Variants in NRXN1 observed in about 807,000 individuals in gnomAD.
NRXN1 encodes neurexin-1.
In NRXN1, 39 loss-of-function variants were observed where a neutral mutation model predicts 150.9. The ratio of observed to expected loss-of-function variants is 0.26; its 90% CI spans 0.20 to 0.34. The LOEUF (loss-of-function observed/expected upper bound fraction) is 0.34. NRXN1 is among the 10% of genes least tolerant of loss of function. NRXN1 has a pLI of 1.00. For synonymous variants in NRXN1, 924 were observed against 757.0 expected, an observed-to-expected ratio of 1.22 and a Z score of -3.62; for missense variants, 1,815 against 1,949.9, an observed-to-expected ratio of 0.93 and a Z score of 1.30.
chr2:50,475,382 C>A (rs17040693), intron 15 of NRXN1, among the ~76,000 whole-genome samples: 1 of 148,578 alleles, frequency 6.7e-6, no homozygotes, highest in South Asian at 2.1e-4. Flanking sequence ...ATTGAGGCCA[C>A]GGTAGAAAAG....
At chr2:50,443,382 C>G (rs2086134611) in intron 17 of NRXN1, among the ~76,000 whole-genome samples, 1 of 152,104 alleles carries the variant, frequency 6.6e-6, no homozygotes, top group African/African-American at 2.4e-5. Context: ...ACGGCCTTGG[C>G]CTTCAGTCGT....
At chr2:50,216,888 C>T (rs570686068) in intron 18 of NRXN1, among the ~76,000 whole-genome samples, 14 of 152,180 alleles carry the variant, frequency 9.2e-5, no homozygotes. Flanking sequence ...CTAAATTATA[C>T]ACAGTGTGTT....
At chr2:50,250,038 A>T (rs1481091678) in intron 17 of NRXN1, among the ~76,000 whole-genome samples, 1 of 152,128 alleles carries the variant, frequency 6.6e-6, no homozygotes, top group Non-Finnish European at 1.5e-5. Context: ...TACTTTACTG[A>T]CTGACTTGCT....
intron 8 of NRXN1, among the ~76,000 whole-genome samples, chr2:50,599,935 T>C (rs1180354999): frequency 6.6e-6 from 1 of 152,122 alleles, no homozygotes; most frequent in Non-Finnish European, 1.5e-5. Context: ...GAATGGCATA[T>C]CAGAAAATGG....
intron 21 of NRXN1, among the ~76,000 whole-genome samples, chr2:49,948,957 G>C (rs201668153): frequency 6.6e-6 from 1 of 151,958 alleles, no homozygotes; most frequent in Non-Finnish European, 1.5e-5. Flanking sequence ...CCTTAATTCA[G>C]ACTGGTCTGT....
At chr2:50,119,110 C>CT (rs1703485977) in intron 18 of NRXN1, among the ~76,000 whole-genome samples, 1 of 151,968 alleles carries the variant, frequency 6.6e-6, no homozygotes, top group African/African-American at 2.4e-5. Context: ...GTTAAAATCT[C>CT]TCCACATCTT....
intron 18 of NRXN1, among the ~76,000 whole-genome samples, chr2:50,100,975 A>AG (rs1700901759): frequency 6.6e-6 from 1 of 152,110 alleles, no homozygotes; most frequent in South Asian, 2.1e-4. Context: ...TAGTTAGCCT[A>AG]GTGGTCTGGC....
chr2:50,858,792 T>C (rs994178608), intron 5 of NRXN1, among the ~76,000 whole-genome samples: 3 of 152,150 alleles, frequency 2.0e-5, no homozygotes, highest in Admixed American at 6.5e-5. Flanking sequence ...CATATTTCTA[T>C]ATAAAATTGC....
intron 18 of NRXN1, among the ~76,000 whole-genome samples, chr2:50,183,519 G>C (rs2060871524): frequency 6.6e-6 from 1 of 151,436 alleles, no homozygotes. Context: ...TTCTTTAACT[G>C]TGTTTGTAAA....
At chr2:50,958,889 C>T (rs1298846648) in intron 2 of NRXN1, among the ~76,000 whole-genome samples, 1 of 152,040 alleles carries the variant, frequency 6.6e-6, no homozygotes, top group East Asian at 1.9e-4. Flanking sequence ...TTCTAGTTTG[C>T]CATTACAACG....
intron 17 of NRXN1, among the ~76,000 whole-genome samples, chr2:50,430,741 T>C (rs1293811298): frequency 1.3e-5 from 2 of 152,228 alleles, no homozygotes; most frequent in Non-Finnish European, 2.9e-5. Flanking sequence ...TGAGAACATT[T>C]CAACATCTGT....
intron 21 of NRXN1, among the ~76,000 whole-genome samples, chr2:49,956,085 A>C (rs928821245): frequency 6.6e-6 from 1 of 152,132 alleles, no homozygotes; most frequent in Admixed American, 6.6e-5. Context: ...CTGTATATTC[A>C]AGGTTGCATC....
chr2:50,741,083 C>T (rs1002158777), intron 5 of NRXN1, among the ~76,000 whole-genome samples: 3 of 151,976 alleles, frequency 2.0e-5, no homozygotes, highest in East Asian at 3.9e-4. Context: ...TGTCTCCCTG[C>T]CTGCATAAAG....
At chr2:50,278,263 AT>A (rs1558437083) in intron 17 of NRXN1, among the ~76,000 whole-genome samples, 60 of 102,200 alleles carry the variant, frequency 5.9e-4, no homozygotes, top group African/African-American at 2.4e-3. Flanking sequence ...TATTATATAT[AT>A]TATATATGTA....
At chr2:51,015,434 G>A (rs1044408899) in intron 2 of NRXN1, among the ~76,000 whole-genome samples, 1 of 151,974 alleles carries the variant, frequency 6.6e-6, no homozygotes, top group Non-Finnish European at 1.5e-5. Context: ...TAAGGATTTT[G>A]TCCAGGATGG....
At chr2:50,307,975 G>A (rs749061099) in intron 17 of NRXN1, among the ~76,000 whole-genome samples, 8 of 152,114 alleles carry the variant, frequency 5.3e-5, no homozygotes, top group Non-Finnish European at 7.4e-5. Flanking sequence ...AAAATTGTAC[G>A]TATTTAATGT....
intron 9 of NRXN1, among the ~76,000 whole-genome samples, chr2:50,545,248 A>C (rs1472394470): frequency 6.6e-6 from 1 of 152,192 alleles, no homozygotes; most frequent in Non-Finnish European, 1.5e-5. Flanking sequence ...CACATATATA[A>C]ACACACATAC....
At chr2:50,299,529 T>C (rs6545161) in intron 17 of NRXN1, among the ~76,000 whole-genome samples, 29,111 of 151,996 alleles carry the variant, frequency 0.19, 3,036 homozygotes, top group East Asian at 0.4. Flanking sequence ...TGCATGTGTT[T>C]TTTCTCACTG....
intron 2 of NRXN1, among the ~76,000 whole-genome samples, chr2:51,005,621 G>C (rs1045314767): frequency 1.3e-5 from 2 of 151,800 alleles, no homozygotes; most frequent in Non-Finnish European, 2.9e-5. Flanking sequence ...AAAACTCACT[G>C]GTAGTGTCAA....
Sources: gnomAD v4.1 joint callset for allele counts (sites outside exome capture counted in the v4.1 genomes callset) on GRCh38, gnomAD v4.1.1 for gene constraint, MANE v1.5 for transcripts, NCBI Gene and HGNC (gene_info 2026-07-23, HGNC 2026-07-21) for gene names.